EDEM1: variants seen among roughly 807,000 people sequenced by gnomAD.
The protein encoded by EDEM1 is ER degradation enhancing alpha-mannosidase like protein 1, also known as ER degradation-enhancing alpha-mannosidase-like protein 1.
Under a neutral mutation model 74.4 loss-of-function variants are expected in EDEM1, and 67 were observed. The observed-to-expected ratio is 0.90, with a 90% confidence interval of 0.74 to 1.10. EDEM1 has a LOEUF of 1.10. EDEM1 is among the 50% of genes least tolerant of loss of function. The probability of loss-of-function intolerance (pLI) is 0.00; values close to 1 mark genes in which losing one functional copy is unlikely to be tolerated. For synonymous variants in EDEM1, 382 were observed against 335.9 expected (o/e 1.14, Z -1.50); for missense variants, 926 against 851.6 (o/e 1.09, Z -1.09).
Position 5,199,644 on chromosome 3 carries a change from C to A in EDEM1, c.635C>A (p.Thr212Lys). 6.2e-7 allele frequency: 1 copy of A among 1,613,866 alleles called. No individual in the cohort carries two copies. Among genetic ancestry groups the A allele is most frequent in the Non-Finnish European group, 8.5e-7 (1 of 1,179,888 alleles). ...AAAGCCGTCAAGTTAGTGATCAACA[C>A]AGTTTCATTTGACAAAGATTCCACC... ...FQKAVKLVIN[T>K]VSFDKDSTVQ... Residue 212 changes from threonine to lysine, a missense_variant, in exon 3 of 12, where the codon ACA (threonine) becomes AAA (lysine). Physicochemically the swap from Thr to Lys is moderately conservative, Grantham distance 78 (BLOSUM62 -1). Transcript: ENST00000256497.
chr3:5,211,028 G>T, intron 9 of EDEM1, 92 bp from the exon 10 acceptor site: 1 of 1,156,606 alleles, frequency 8.6e-7, no homozygotes, highest in South Asian at 1.3e-5. Flanking sequence ...ATGACTGGTT[G>T]ATTATTCTGA....
At position 5,205,747 on chromosome 3, in the gene EDEM1, G is replaced by C. The variant is rs569633536; in HGVS notation, c.1217+506G>C. Among the ~76,000 whole-genome samples the C allele has an allele frequency of 2.6e-5, 4 of 152,336 alleles. No homozygotes were observed. In the South Asian group the frequency reaches 8.3e-4, roughly 32 times the overall value. ...CAGAGTGAGTGATCTGAGAGAAAAAGAAAGAGGCCAAAATGGCAACCACAG... is the reference window on the plus strand; with the variant it reads ...CAGAGTGAGTGATCTGAGAGAAAAACAAAGAGGCCAAAATGGCAACCACAG... On this transcript the variant is annotated intron_variant, in intron 6 of 11. Transcript: ENST00000256497.
At chr3:5,190,387 G>A (rs1360683972) in intron 1 of EDEM1, among the ~76,000 whole-genome samples, 1 of 152,218 alleles carries the variant, frequency 6.6e-6, no homozygotes, top group Non-Finnish European at 1.5e-5. Flanking sequence ...TTTCATTTGA[G>A]AATATGACGG....
chr3:5,204,753 A>C (rs1245478594), intron 5 of EDEM1, among the ~76,000 whole-genome samples: 1 of 152,194 alleles, frequency 6.6e-6, no homozygotes, highest in East Asian at 1.9e-4. Flanking sequence ...GTACTGGGTT[A>C]AAGTCTGTGA....
At chr3:5,188,447 G>C in intron 1 of EDEM1, 133 bp downstream of exon 1, 1 of 1,071,996 alleles carries the variant, frequency 9.3e-7, no homozygotes, top group South Asian at 3.2e-5. Context: ...GCGCTCCCGC[G>C]CCCTGTCCCG....
At position 5,219,817 on chromosome 3, in the gene EDEM1, A is replaced by G. The variant is rs1431523781; in HGVS notation, c.*3899A>G. ...ATGATATTTTATGTTTAATCTGTAA[A>G]TAAGAAATGTATTTAAATTAAAAGG... On this transcript the variant is annotated 3_prime_UTR_variant, in exon 12 of 12. Transcript: ENST00000256497. 6.5e-6 allele frequency: 1 copy of G among 152,688 alleles called. No homozygotes were observed. The highest frequency in any genetic ancestry group is 2.4e-5 in the African/African-American group (1 of 41,474). The allele number at this position is 152,688 out of a possible 1,614,324, so 9.5% of individuals were successfully genotyped here. A position where few individuals can be genotyped will look rare whatever the true frequency, so the allele number is the denominator to read the frequency against.
In EDEM1 at chr3:5,188,229, T is replaced by A; in HGVS notation, c.424T>A (p.Tyr142Asn). 6.3e-7 allele frequency: 1 copy of A among 1,584,856 alleles called. No homozygotes were observed. Among genetic ancestry groups the A allele is most frequent in the Non-Finnish European group, 8.6e-7 (1 of 1,167,664 alleles). The change falls in exon 1 of 12, where the codon TAC (tyrosine) becomes AAC (asparagine). Residue 142 changes from tyrosine to asparagine, a missense_variant. Transcript: ENST00000256497. ...DLARGMFVFG[Y>N]DNYMAHAFPQ... is the part of the protein sequence containing the mutation. ...GGCACGGGGCATGTTCGTCTTTGGC[T>A]ACGACAACTACATGGCTCACGCCTT...
At chr3:5,208,030 T>A in intron 7 of EDEM1, 63 bp from the exon 8 acceptor site, 1 of 1,505,314 alleles carries the variant, frequency 6.6e-7, no homozygotes, top group Non-Finnish European at 8.8e-7. Context: ...GCAGGCCCTT[T>A]GTGCCATGTC....
intron 6 of EDEM1, among the ~76,000 whole-genome samples, chr3:5,205,512 A>C (rs2055085832): frequency 6.6e-6 from 1 of 152,228 alleles, no homozygotes; most frequent in African/African-American, 2.4e-5. Context: ...CAGCTGAGCC[A>C]GTCATTCTGG....
chr3:5,193,514 C>G (rs1435661375), intron 1 of EDEM1, among the ~76,000 whole-genome samples: 1 of 152,166 alleles, frequency 6.6e-6, no homozygotes, highest in African/African-American at 2.4e-5. Context: ...AGTTTTCTGA[C>G]TTCCCAGCTT....
At chr3:5,199,030 G>A (rs2055004306) in intron 2 of EDEM1, among the ~76,000 whole-genome samples, 1 of 152,088 alleles carries the variant, frequency 6.6e-6, no homozygotes, top group South Asian at 2.1e-4. Flanking sequence ...CATATGTTTT[G>A]TTTCTTTTAA....
chr3:5,191,500 T>G (rs1473876951), intron 1 of EDEM1, among the ~76,000 whole-genome samples: 1 of 152,118 alleles, frequency 6.6e-6, no homozygotes, highest in Non-Finnish European at 1.5e-5. Context: ...CCCAAAGTGC[T>G]GAGATTATAG....
intron 11 of EDEM1, among the ~76,000 whole-genome samples, chr3:5,214,073 T>C (rs2106611907): frequency 6.6e-6 from 1 of 152,272 alleles, no homozygotes; most frequent in East Asian, 1.9e-4. Context: ...CTCTTCGAAG[T>C]GCAGCAAACA....
At chr3:5,207,759 C>T in intron 7 of EDEM1, among the ~76,000 whole-genome samples, 1 of 152,184 alleles carries the variant, frequency 6.6e-6, no homozygotes, top group East Asian at 1.9e-4. Flanking sequence ...CTGCCCGCCT[C>T]AGCCTCTCAA....
intron 1 of EDEM1, chr3:5,188,519 C>T (rs1289275873): frequency 2.2e-6 from 1 of 453,318 alleles, no homozygotes; most frequent in Middle Eastern, 5.9e-4. Context: ...GCCTTCCTCT[C>T]CTGATTCTCC....
At position 5,210,171 on chromosome 3, in the gene EDEM1, C is replaced by T; in HGVS notation, c.1510-4C>T. On this transcript the variant is annotated splice_polypyrimidine_tract_variant and splice_region_variant and intron_variant, in intron 8 of 11. Transcript: ENST00000256497. ...TGGATCACATTCTCTCGTGTTCTCT[C>T]TAGGCAACCAAGAATCCCTTCTACC... 1 of 1,613,814 alleles carries T rather than the reference C, an allele frequency of 6.2e-7. No homozygotes were observed.
rs777903508 is a variant in EDEM1 at position 5,201,846 on chromosome 3, G to A, written c.780G>A (p.Leu260=). ...DMTIKDYDNE[L]LYMAHDLAVR... ...CAATTAAGGACTATGATAATGAGTT[G>A]TTATACATGGCCCATGACCTGGCGG... is the stretch of plus-strand genomic sequence containing the variant. Residue 260 remains leucine (L), a synonymous_variant, in exon 4 of 12, where the codon TTG becomes TTA. Coordinates refer to ENST00000256497, the MANE Select transcript of EDEM1 (RefSeq NM_014674.3). 1.2e-6 allele frequency: 2 copies of A among 1,614,160 alleles called. No homozygotes were observed. Among genetic ancestry groups the A allele is most frequent in the South Asian group, 1.1e-5 (1 of 91,090 alleles).
chr3:5,187,931 C>T lies in EDEM1; in HGVS notation c.126C>T (p.Gly42=). 6.3e-7 allele frequency: 1 copy of T among 1,587,924 alleles called. No homozygotes were observed. The highest frequency in any genetic ancestry group is 2.3e-5 in the East Asian group (1 of 43,096). ...GFYQRFPLSF[G]FQRLRSPDGP... is the part of the protein sequence containing the mutation. ...ACCAGCGCTTTCCGCTCAGCTTCGG[C>T]TTCCAGCGTCTGAGGAGCCCCGACG... is the stretch of plus-strand genomic sequence containing the variant. Residue 42 remains glycine, a synonymous_variant, in exon 1 of 12, where the codon GGC becomes GGT. Transcript: ENST00000256497.
rs543493767 is a variant in EDEM1, at chr3:5,200,796, C to T, written c.687-957C>T. Reference sequence around the variant, plus strand: ...CACCTTGCCTCTTTACCAGATGTTACGGTGTTAGGGAAGTTGCTTGGCAGC... The same window carrying T: ...CACCTTGCCTCTTTACCAGATGTTATGGTGTTAGGGAAGTTGCTTGGCAGC... On this transcript the variant is annotated intron_variant, in intron 3 of 11. Coordinates refer to ENST00000256497, the MANE Select transcript of EDEM1 (RefSeq NM_014674.3). Among the ~76,000 whole-genome samples the T allele has an allele frequency of 2.0e-5, 3 of 151,586 alleles. No individual in the cohort carries two copies. The East Asian group carries it at 5.8e-4, about 29-fold the overall frequency.
Sources: gnomAD v4.1 joint callset for allele counts (sites outside exome capture counted in the v4.1 genomes callset) on GRCh38, gnomAD v4.1.1 for gene constraint, MANE v1.5 for transcripts, NCBI Gene and HGNC (gene_info 2026-07-23, HGNC 2026-07-21) for gene names.